Variants in ELAPOR1 observed in about 807,000 individuals in gnomAD.
ELAPOR1 encodes the protein endosome/lysosome-associated apoptosis and autophagy regulator 1.
Under a neutral mutation model 119.7 loss-of-function variants are expected in ELAPOR1, and 77 were observed. That is an observed-to-expected ratio of 0.64 (90% confidence interval 0.54 to 0.78). ELAPOR1 has a LOEUF of 0.78. Ranked by LOEUF, ELAPOR1 falls within the 30% of genes least tolerant of loss-of-function variation. ELAPOR1 has a pLI of 0.00. For synonymous variants in ELAPOR1, 481 were observed against 487.2 expected (o/e 0.99, Z 0.17); for missense variants, 1,115 against 1,270.4 (o/e 0.88, Z 1.86).
chr1:109,155,138 A>G (rs552657058), intron 1 of ELAPOR1, among the ~76,000 whole-genome samples: 2 of 152,308 alleles, frequency 1.3e-5, no homozygotes, highest in East Asian at 1.9e-4. Context: ...ACAGGCCCTC[A>G]GTACGTGCTT....
chr1:109,175,898 T>A (rs1652251883), intron 7 of ELAPOR1, among the ~76,000 whole-genome samples: 1 of 151,888 alleles, frequency 6.6e-6, no homozygotes, highest in South Asian at 2.1e-4. Flanking sequence ...ATGTATAAAT[T>A]TATACATTTT....
chr1:109,123,100 A>T (rs1301138739), intron 1 of ELAPOR1, among the ~76,000 whole-genome samples: 1 of 152,222 alleles, frequency 6.6e-6, no homozygotes, highest in Non-Finnish European at 1.5e-5. Flanking sequence ...GTGACTGGTC[A>T]GCTGGTAGAT....
In ELAPOR1 at chr1:109,191,862, C is replaced by T; in HGVS notation, c.1682C>T (p.Ala561Val). 6.2e-7 allele frequency: 1 copy of T among 1,614,122 alleles called. No individual in the cohort carries two copies. The highest frequency in any genetic ancestry group is 8.5e-7 in the Non-Finnish European group (1 of 1,179,984). Residue 561 changes from alanine to valine, a missense_variant and splice_region_variant, in exon 13 of 22, where the codon GCA becomes GTA. Ala to Val is a moderately conservative substitution (Grantham distance 64). Coordinates refer to ENST00000369939, the MANE Select transcript of ELAPOR1 (RefSeq NM_020775.5). ...TTCCAGAGGACCACTTTTCATGAGG[C>T]AGTAAGTTCCTCCCCTTCCTCAGAC... Reference protein sequence around the residue: ...WAFQRTTFHEASRKYTNDVAK... With the variant: ...WAFQRTTFHEVSRKYTNDVAK...
At chr1:109,171,633 T>C (rs1432089377) in intron 3 of ELAPOR1, among the ~76,000 whole-genome samples, 1 of 152,206 alleles carries the variant, frequency 6.6e-6, no homozygotes, top group Non-Finnish European at 1.5e-5. Context: ...GAGGCATGCC[T>C]GCTTGTTTTC....
At chr1:109,119,397 T>C (rs1184540527) in intron 1 of ELAPOR1, among the ~76,000 whole-genome samples, 3 of 151,772 alleles carry the variant, frequency 2.0e-5, no homozygotes, top group Non-Finnish European at 4.4e-5. Flanking sequence ...TTGCCCAGGC[T>C]GGTCTCAAAC....
intron 1 of ELAPOR1, among the ~76,000 whole-genome samples, chr1:109,152,309 TA>T (rs1650583984): frequency 6.6e-6 from 1 of 152,332 alleles, no homozygotes; most frequent in Non-Finnish European, 1.5e-5. Flanking sequence ...GCATCCAGTC[TA>T]AAGTTGGCTC....
chr1:109,122,127 C>T (rs113088150), intron 1 of ELAPOR1, among the ~76,000 whole-genome samples: 3,161 of 148,196 alleles, frequency 0.021, 44 homozygotes, highest in Non-Finnish European at 0.033. Context: ...CAGAGTACAG[C>T]GGTGCAATCT....
Position 109,197,639 on chromosome 1 carries a change from G to C in ELAPOR1, c.2287G>C (p.Ala763Pro), listed in dbSNP as rs756933178. ...GGTTTCCTCACAGCCTGTCAGCCTT[G>C]CTGATCGACTTATTGGTGAGTAACT... ...AGVSSQPVSL[A>P]DRLIGVTTDM... The change falls in exon 16 of 22, where the codon GCT becomes CCT. Residue 763 changes from alanine to proline, a missense_variant. Transcript: ENST00000369939. The C allele has an allele frequency of 6.2e-7, 1 of 1,613,938 alleles. No individual in the cohort carries two copies. The highest frequency in any genetic ancestry group is 1.1e-5 in the South Asian group (1 of 91,058).
Position 109,162,161 on chromosome 1 carries a change from C to A in ELAPOR1, c.274+147C>A, listed in dbSNP as rs1292790675. 1.3e-5 allele frequency: 11 copies of A among 832,294 alleles called. No homozygotes were observed. The South Asian group carries it at 2.0e-4, about 15-fold the overall frequency. 51.6% of individuals were successfully genotyped at this position (832,294 alleles called of 1,614,324 possible). On this transcript the variant is annotated intron_variant, in intron 2 of 21. Coordinates refer to ENST00000369939, the MANE Select transcript of ELAPOR1 (RefSeq NM_020775.5). ...CCCCAATTAGTCCCCACATCCCAGACCCTTATGAGATTTGGTGCAGAAGTA... is the reference window on the plus strand; with the variant it reads ...CCCCAATTAGTCCCCACATCCCAGAACCTTATGAGATTTGGTGCAGAAGTA...
chr1:109,176,817 A>C (rs1196848255), intron 7 of ELAPOR1, among the ~76,000 whole-genome samples: 15 of 138,008 alleles, frequency 1.1e-4, no homozygotes, highest in African/African-American at 4.1e-4. Context: ...CTTAAGGAGC[A>C]TGCTGCCTTC....
intron 1 of ELAPOR1, among the ~76,000 whole-genome samples, chr1:109,139,849 G>A (rs1391967008): frequency 1.3e-5 from 2 of 151,884 alleles, no homozygotes; most frequent in Non-Finnish European, 2.9e-5. Context: ...TTGGCTCACT[G>A]CAACCTCTGA....
Position 109,204,500 on chromosome 1 carries a change from C to A in ELAPOR1, c.*1488C>A, listed in dbSNP as rs1289502190. 3 of 152,222 alleles carry A rather than the reference C, an allele frequency of 2.0e-5. No homozygotes were observed. Among genetic ancestry groups the A allele is most frequent in the African/African-American group, 7.2e-5 (3 of 41,438 alleles). The allele number at this position is 152,222 out of a possible 1,614,324, so 9.4% of individuals were successfully genotyped here. A position where few individuals can be genotyped will look rare whatever the true frequency, so the allele number is the denominator to read the frequency against. On this transcript the variant is annotated 3_prime_UTR_variant, in exon 22 of 22. Coordinates refer to ENST00000369939, the MANE Select transcript of ELAPOR1 (RefSeq NM_020775.5). ...GAGGAAAATTCCCCATCCTTGAGTG[C>A]CCCCGTCCTAGAAGTTTGGGCCATA...
chr1:109,149,067 G>C (rs554304197), intron 1 of ELAPOR1, among the ~76,000 whole-genome samples: 1 of 152,264 alleles, frequency 6.6e-6, no homozygotes, highest in African/African-American at 2.4e-5. Flanking sequence ...CTGGGGAGTT[G>C]CTAGGGGAGA....
At chr1:109,130,956 A>G (rs904795371) in intron 1 of ELAPOR1, among the ~76,000 whole-genome samples, 2 of 152,204 alleles carry the variant, frequency 1.3e-5, no homozygotes, top group Non-Finnish European at 2.9e-5. Flanking sequence ...TGGGCCGCAT[A>G]GCAAGACTCT....
chr1:109,187,351 G>A (rs1323373102), intron 8 of ELAPOR1: 2 of 985,374 alleles, frequency 2.0e-6, no homozygotes, highest in South Asian at 4.7e-5. Flanking sequence ...AGCTGAGCAG[G>A]GGAAGGAGGA....
In ELAPOR1 at chr1:109,206,633, A is replaced by AT. The variant is rs1288693545; in HGVS notation, c.*3627dup. On this transcript the variant is annotated 3_prime_UTR_variant, in exon 22 of 22. Transcript: ENST00000369939. The stretch of plus-strand genomic sequence containing the variant: ...TTATACAACAGAAACTTTGTAATAG[A>AT]TTTTTTCAGCTTTGTGAAATCGAAT... 1 of 151,912 alleles carries AT rather than the reference A, an allele frequency of 6.6e-6. No individual in the cohort carries two copies. The highest frequency in any genetic ancestry group is 1.5e-5 in the Non-Finnish European group (1 of 67,990). 9.4% of individuals were successfully genotyped at this position (151,912 alleles called of 1,614,324 possible). A position where few individuals can be genotyped will look rare whatever the true frequency, so the allele number is the denominator to read the frequency against.
At chr1:109,159,399 A>C (rs1443187046) in intron 1 of ELAPOR1, among the ~76,000 whole-genome samples, 1 of 152,254 alleles carries the variant, frequency 6.6e-6, no homozygotes, top group Admixed American at 6.5e-5. Flanking sequence ...CAAATGAAAG[A>C]CGATGAAAAG....
At chr1:109,121,204 T>G (rs1648392335) in intron 1 of ELAPOR1, among the ~76,000 whole-genome samples, 1 of 152,208 alleles carries the variant, frequency 6.6e-6, no homozygotes. Context: ...TGGAGTCCAG[T>G]GGCGTGATCT....
At position 109,177,184 on chromosome 1, in the gene ELAPOR1, G is replaced by A. The variant is rs1374748118; in HGVS notation, c.952+3347G>A. On this transcript the variant is annotated intron_variant, in intron 7 of 21. Coordinates refer to ENST00000369939, the MANE Select transcript of ELAPOR1 (RefSeq NM_020775.5). ...TCCTCACTTCCCAGTAGGGGCGGCC[G>A]GGCAGAGGCGCCCCTCACCTCCTGG... 1.6e-4 allele frequency among the ~76,000 whole-genome samples: 24 copies of A among 150,408 alleles called. No individual in the cohort carries two copies. In the East Asian group the frequency reaches 2.2e-3, roughly 14 times the overall value.
Sources: gnomAD v4.1 joint callset for allele counts (sites outside exome capture counted in the v4.1 genomes callset) on GRCh38, gnomAD v4.1.1 for gene constraint, MANE v1.5 for transcripts, NCBI Gene and HGNC (gene_info 2026-07-23, HGNC 2026-07-21) for gene names.